TTC23L: variants seen among roughly 807,000 people sequenced by gnomAD.
The protein encoded by TTC23L is tetratricopeptide repeat protein 23-like.
TTC23L carries 42 observed loss-of-function variants against 48.1 expected under a neutral mutation model. The observed-to-expected ratio is 0.87, with a 90% CI of 0.68 to 1.13. The LOEUF (loss-of-function observed/expected upper bound fraction) is 1.13. Among genes scored for constraint, TTC23L ranks in the 50% most tolerant of loss-of-function variants. The pLI is 0.00. For missense variants in TTC23L, 391 were observed against 421.0 expected, an observed-to-expected ratio of 0.93 and a Z score of 0.62; for synonymous variants, 159 against 157.2, an observed-to-expected ratio of 1.01 and a Z score of -0.09.
intron 8 of TTC23L, chr5:34,869,579 A>G (rs908906098): frequency 3.7e-5 from 6 of 161,000 alleles, no homozygotes; most frequent in African/African-American, 1.4e-4. Context: ...CCAATGAGGG[A>G]GGACAATGTA....
At chr5:34,901,996 A>T (rs564656828), downstream of TTC23L, among the ~76,000 whole-genome samples, 2 of 152,370 alleles carry the variant, frequency 1.3e-5, no homozygotes, top group Middle Eastern at 3.4e-3. Context: ...ATCTAGCGAA[A>T]GAATTTGCAA....
At chr5:34,840,722 G>T in exon 2 of TTC23L, 1 of 1,613,820 alleles carries the variant, frequency 6.2e-7, no homozygotes, top group Non-Finnish European at 8.5e-7. Flanking sequence ...ACATCGACTG[G>T]GATTTCTGCT....
At chr5:34,870,688 G>GA (rs1228491501) in intron 8 of TTC23L, among the ~76,000 whole-genome samples, 2 of 151,664 alleles carry the variant, frequency 1.3e-5, no homozygotes, top group Non-Finnish European at 2.9e-5. Flanking sequence ...GTGTGTAGAT[G>GA]AAAAAAGCAA....
chr5:34,856,324 A>C (rs1202455000), intron 4 of TTC23L, among the ~76,000 whole-genome samples: 1 of 152,238 alleles, frequency 6.6e-6, no homozygotes, highest in East Asian at 1.9e-4. Context: ...TGGATTTCAG[A>C]TTTTCAGATT....
Position 34,859,840 on chromosome 5 carries a change from CTTTT to C in TTC23L, c.380-3040_380-3037del, listed in dbSNP as rs10590697. Among the ~76,000 whole-genome samples, 53 of 95,362 alleles carry C rather than the reference CTTTT, an allele frequency of 5.6e-4. 1 individual carries two copies. The highest frequency in any genetic ancestry group is 1.4e-3 in the African/African-American group (41 of 28,780). The allele number at this position is 95,362 out of a possible 152,430, so 62.6% of individuals were successfully genotyped here. A position where few individuals can be genotyped will look rare whatever the true frequency, so the allele number is the denominator to read the frequency against. ...TTTTCTTTTCTTTTCTTTTCTTCTT[CTTTT>C]TTTTTTTTTTTTTTTTTGAGACGGA... On this transcript the variant is annotated intron_variant, in intron 4 of 10. Coordinates refer to ENST00000505624, the Ensembl canonical transcript of TTC23L.
intron 8 of TTC23L, among the ~76,000 whole-genome samples, chr5:34,876,296 C>A (rs1273782215): frequency 1.3e-5 from 2 of 151,572 alleles, no homozygotes; most frequent in Non-Finnish European, 2.9e-5. Context: ...TTGAAAACAG[C>A]AAGTCAATGA....
chr5:34,918,636 G>C, the TTC23L span: 2 of 479,208 alleles, frequency 4.2e-6, no homozygotes, highest in Admixed American at 4.0e-5. Flanking sequence ...TTAACATTTC[G>C]TAAGAAATTC....
intron 8 of TTC23L, among the ~76,000 whole-genome samples, chr5:34,870,479 A>T (rs1761378052): frequency 6.6e-6 from 1 of 152,206 alleles, no homozygotes; most frequent in African/African-American, 2.4e-5. Context: ...ATCTTTTAAG[A>T]AAGAAATCTC....
chr5:34,888,434 G>C, intron 9 of TTC23L: 1 of 978,358 alleles, frequency 1.0e-6, no homozygotes, highest in Non-Finnish European at 1.2e-6. Flanking sequence ...TCTTTAACCT[G>C]TTGTTTCTCA....
chr5:34,903,116 T>G (rs1580502921), downstream of TTC23L, among the ~76,000 whole-genome samples: 1 of 152,264 alleles, frequency 6.6e-6, no homozygotes, highest in South Asian at 2.1e-4. Flanking sequence ...GAAATAAAAT[T>G]TTATGGTGTA....
the TTC23L span, chr5:34,915,834 G>A: frequency 2.5e-6 from 4 of 1,569,980 alleles, no homozygotes; most frequent in Non-Finnish European, 3.5e-6. Flanking sequence ...CAGCTAAGCG[G>A]CACGCCACAG....
At chr5:34,889,124 G>A (rs549755646) in intron 9 of TTC23L, among the ~76,000 whole-genome samples, 1 of 152,242 alleles carries the variant, frequency 6.6e-6, no homozygotes, top group Admixed American at 6.5e-5. Context: ...ACCTCGAACT[G>A]TTCTCTTCTA....
chr5:34,872,023 T>A (rs1053063390), intron 8 of TTC23L, among the ~76,000 whole-genome samples: 3 of 151,290 alleles, frequency 2.0e-5, no homozygotes, highest in African/African-American at 7.3e-5. Flanking sequence ...AAGGCCTGGA[T>A]ACAAACTAAA....
At chr5:34,886,183 T>C (rs139037102) in intron 9 of TTC23L, among the ~76,000 whole-genome samples, 3 of 152,160 alleles carry the variant, frequency 2.0e-5, no homozygotes, top group African/African-American at 7.2e-5. Flanking sequence ...TTAAATAGTA[T>C]TATATGAATT....
chr5:34,839,954 C>CTGGAGTGCAGTGGCGCGATCTCCGT (rs1758467468), intron 1 of TTC23L, among the ~76,000 whole-genome samples: 1 of 152,194 alleles, frequency 6.6e-6, no homozygotes, highest in Non-Finnish European at 1.5e-5. Context: ...GTCGCCCAGG[C>CTGGAGTGCAGTGGCGCGATCTCCGT]TGGAGTGCAG....
intron 4 of TTC23L, among the ~76,000 whole-genome samples, chr5:34,859,534 A>G (rs1760406135): frequency 6.6e-6 from 1 of 151,722 alleles, no homozygotes; most frequent in African/African-American, 2.4e-5. Context: ...TTAGGCTATG[A>G]GGGCCCCTCC....
intron 9 of TTC23L, among the ~76,000 whole-genome samples, chr5:34,896,542 C>T (rs559143315): frequency 3.0e-4 from 46 of 152,228 alleles, no homozygotes; most frequent in African/African-American, 1.0e-3. Context: ...TTTTTGAGCA[C>T]CTACTAAGTG....
At chr5:34,913,800 T>C in the TTC23L span, 1 of 538,406 alleles carries the variant, frequency 1.9e-6, no homozygotes, top group Middle Eastern at 5.1e-4. Context: ...CCTTGTCTCG[T>C]TTTTGTGCCT....
the TTC23L span, chr5:34,913,439 C>A: frequency 1.5e-6 from 2 of 1,336,760 alleles, no homozygotes; most frequent in Non-Finnish European, 2.1e-6. Context: ...ATGTATAACA[C>A]TTTTATGTCT....
Sources: gnomAD v4.1 joint callset for allele counts (sites outside exome capture counted in the v4.1 genomes callset) on GRCh38, gnomAD v4.1.1 for gene constraint, MANE v1.5 for transcripts, NCBI Gene and HGNC (gene_info 2026-07-23, HGNC 2026-07-21) for gene names.